DCTN4: variants seen among roughly 807,000 people sequenced by gnomAD.
The protein encoded by DCTN4 is dynactin 4 (p62).
A neutral mutation model predicts 62.7 loss-of-function variants in DCTN4; 23 were observed. The ratio of observed to expected loss-of-function variants is 0.37; its 90% confidence interval spans 0.26 to 0.52. The LOEUF is 0.52. Among genes scored for constraint, DCTN4 ranks in the 20% least tolerant of loss-of-function variants. The pLI, the probability that DCTN4 is intolerant of heterozygous loss-of-function variation, is 0.92. For synonymous variants in DCTN4, 199 were observed against 202.1 expected (o/e 0.98, Z 0.13); for missense variants, 514 against 580.4 (o/e 0.89, Z 1.18).
At chr5:150,747,581 C>T (rs1271183421) in intron 3 of DCTN4, among the ~76,000 whole-genome samples, 14 of 152,096 alleles carry the variant, frequency 9.2e-5, no homozygotes, top group African/African-American at 3.1e-4. Context: ...GGTACTGGTA[C>T]CAAAACAGAG....
intron 3 of DCTN4, among the ~76,000 whole-genome samples, chr5:150,743,379 C>G (rs1449244206): frequency 6.6e-6 from 1 of 152,216 alleles, no homozygotes; most frequent in Non-Finnish European, 1.5e-5. Flanking sequence ...AGGGCACAGA[C>G]AAACAAAAAG....
intron 4 of DCTN4, among the ~76,000 whole-genome samples, chr5:150,739,990 A>G (rs1325957208): frequency 6.6e-6 from 1 of 152,202 alleles, no homozygotes; most frequent in South Asian, 2.1e-4. Context: ...AGATAACATG[A>G]GAAAAATCCT....
intron 1 of DCTN4, 46 bp from the exon 2 acceptor site, chr5:150,756,533 T>A (rs768888790): frequency 8.4e-6 from 11 of 1,303,182 alleles, no homozygotes; most frequent in African/African-American, 1.5e-5. Context: ...GAGAACTCAG[T>A]TTAACTTGTG....
rs1289596933 is a variant in DCTN4 at position 150,733,360 on chromosome 5, A to T, written c.537+8T>A. 2 of 1,605,966 alleles carry T rather than the reference A, an allele frequency of 1.2e-6. No homozygotes were observed. Among genetic ancestry groups the T allele is most frequent in the Non-Finnish European group, 1.7e-6 (2 of 1,175,094 alleles). On this transcript the variant is annotated splice_region_variant and intron_variant, in intron 5 of 12. Transcript: ENST00000447998. The stretch of plus-strand genomic sequence containing the variant: ...GTCTTGCAAATCATTTTAGTACCAA[A>T]TTCTCACCGAAAAAGCCAGAGGCAT...
intron 4 of DCTN4, among the ~76,000 whole-genome samples, chr5:150,740,019 C>T (rs372196626): frequency 6.6e-6 from 1 of 152,212 alleles, no homozygotes; most frequent in East Asian, 1.9e-4. Context: ...TTGGCTTAGG[C>T]AAAGACTTCA....
At chr5:150,757,216 G>A (rs1180716144) in intron 1 of DCTN4, among the ~76,000 whole-genome samples, 1 of 152,124 alleles carries the variant, frequency 6.6e-6, no homozygotes, top group Non-Finnish European at 1.5e-5. Context: ...CTATAAACAG[G>A]TCAATTTGAA....
chr5:150,751,322 CCTAGAGGAGATACAGTT>C lies in DCTN4; in HGVS notation c.385+2140_385+2156del, dbSNP rs534193572. Among the ~76,000 whole-genome samples the C allele has an allele frequency of 2.5e-3, 374 of 152,038 alleles. 2 individuals carry two copies. The highest frequency in any genetic ancestry group is 8.5e-3 in the African/African-American group (354 of 41,490). On this transcript the variant is annotated intron_variant, in intron 3 of 12. Transcript: ENST00000447998. ...TATTCAATTATCCCTGTTGAGATAC[CCTAGAGGAGATACAGTT>C]CTAGAAGCCAGCATAAGTTTATAGT... is the stretch of plus-strand genomic sequence containing the variant.
chr5:150,722,798 T>A, intron 9 of DCTN4, 109 bp downstream of exon 9: 1 of 719,956 alleles, frequency 1.4e-6, no homozygotes, highest in Non-Finnish European at 2.3e-6. Flanking sequence ...TATTTTGATG[T>A]AATTTTTTTT....
chr5:150,751,089 T>G (rs905226820), intron 3 of DCTN4, among the ~76,000 whole-genome samples: 2 of 152,162 alleles, frequency 1.3e-5, no homozygotes, highest in Non-Finnish European at 2.9e-5. Context: ...TCTGAATATT[T>G]TATCTAATTG....
rs765561706 is a variant in DCTN4 at position 150,715,700 on chromosome 5, C to T, written c.1072-38G>A. The T allele has an allele frequency of 4.5e-6, 7 of 1,542,196 alleles. No homozygotes were observed. In the Admixed American group the frequency reaches 5.1e-5, roughly 11 times the overall value. On this transcript the variant is annotated intron_variant, in intron 11 of 12. Transcript: ENST00000447998. ...ACAGAGAGGCCTGCCTGAGAAGGGA[C>T]CAGTGTGACAGAATATAGCAAAGTA...
rs1003350382 is a variant in DCTN4 at position 150,747,322 on chromosome 5, C to T, written c.386-5165G>A. On this transcript the variant is annotated intron_variant, in intron 3 of 12. Transcript: ENST00000447998. ...AACAAATGGAAGAACATTCCATGCT[C>T]ATGGGTAGGAAGAATCAATATCAAG... Among the ~76,000 whole-genome samples, 249 of 152,336 alleles carry T rather than the reference C, an allele frequency of 1.6e-3. 1 individual carries two copies. The highest frequency in any genetic ancestry group is 5.8e-3 in the African/African-American group (240 of 41,568).
chr5:150,711,418 T>A, intron 12 of DCTN4, 56 bp from the exon 13 acceptor site: 1 of 1,369,406 alleles, frequency 7.3e-7, no homozygotes, highest in Non-Finnish European at 1.0e-6. Context: ...GCCAAACCAC[T>A]AAGACTTACA....
chr5:150,753,743 C>T, intron 2 of DCTN4, 86 bp from the exon 3 acceptor site: 1 of 1,352,156 alleles, frequency 7.4e-7, no homozygotes, highest in Non-Finnish European at 1.0e-6. Flanking sequence ...AAGTGTCTCT[C>T]AAGAAAAAAC....
chr5:150,750,871 G>T (rs1410417948), intron 3 of DCTN4, among the ~76,000 whole-genome samples: 1 of 152,084 alleles, frequency 6.6e-6, no homozygotes, highest in Non-Finnish European at 1.5e-5. Flanking sequence ...TGGGTGATAA[G>T]TACATGAATA....
intron 3 of DCTN4, among the ~76,000 whole-genome samples, chr5:150,746,985 G>C (rs1399970034): frequency 3.9e-5 from 6 of 152,130 alleles, no homozygotes; most frequent in African/African-American, 1.4e-4. Context: ...ATTAGGAAAA[G>C]AGGAAGTCAA....
At chr5:150,726,895 T>C (rs1364457832) in intron 8 of DCTN4, among the ~76,000 whole-genome samples, 2 of 152,226 alleles carry the variant, frequency 1.3e-5, no homozygotes, top group African/African-American at 2.4e-5. Flanking sequence ...TGTCAGGTTA[T>C]TTGAAAACAA....
intron 9 of DCTN4, among the ~76,000 whole-genome samples, chr5:150,720,413 T>C (rs1759916349): frequency 6.6e-6 from 1 of 150,472 alleles, no homozygotes; most frequent in Non-Finnish European, 1.5e-5. Flanking sequence ...ACAATAAAAA[T>C]AAATTTAAAG....
chr5:150,756,537 A>T, intron 1 of DCTN4, 50 bp from the exon 2 acceptor site: 1 of 1,221,772 alleles, frequency 8.2e-7, no homozygotes, highest in Non-Finnish European at 1.2e-6. Flanking sequence ...ACTCAGTTTA[A>T]CTTGTGTATA....
intron 9 of DCTN4, 83 bp downstream of exon 9, chr5:150,722,824 T>C (rs1218787559): frequency 5.1e-6 from 5 of 986,096 alleles, no homozygotes; most frequent in Middle Eastern, 2.3e-4. Flanking sequence ...AGGCCAAGAG[T>C]AAACACACTT....
Sources: gnomAD v4.1 joint callset for allele counts (sites outside exome capture counted in the v4.1 genomes callset) on GRCh38, gnomAD v4.1.1 for gene constraint, MANE v1.5 for transcripts, NCBI Gene and HGNC (gene_info 2026-07-23, HGNC 2026-07-21) for gene names.